TENM3: variants seen among roughly 807,000 people sequenced by gnomAD.
TENM3 encodes the protein teneurin-3.
Under a neutral mutation model 255.1 loss-of-function variants are expected in TENM3, and 63 were observed. The observed-to-expected ratio is 0.25, with a 90% confidence interval of 0.20 to 0.30. The LOEUF is 0.30. TENM3 is among the 10% of genes least tolerant of loss of function. The probability of loss-of-function intolerance (pLI) is 1.00; values close to 1 mark genes in which losing one functional copy is unlikely to be tolerated. For synonymous variants in TENM3, 1,306 were observed against 1,322.3 expected, an observed-to-expected ratio of 0.99 and a Z score of 0.27; for missense variants, 2,929 against 3,461.1, an observed-to-expected ratio of 0.85 and a Z score of 3.86.
chr4:182,409,428 T>G (rs538819634), intron 3 of TENM3, among the ~76,000 whole-genome samples: 1 of 152,304 alleles, frequency 6.6e-6, no homozygotes, highest in Admixed American at 6.5e-5. Flanking sequence ...GGCCTCCTGG[T>G]CTCATTTTAA....
intron 5 of TENM3, among the ~76,000 whole-genome samples, chr4:182,649,776 C>A (rs1246768016): frequency 6.7e-6 from 1 of 150,300 alleles, no homozygotes. Flanking sequence ...ATATCCTCGG[C>A]CCCAGCCCCC....
intron 1 of TENM3, among the ~76,000 whole-genome samples, chr4:182,301,264 T>C (rs1761839835): frequency 6.6e-6 from 1 of 152,198 alleles, no homozygotes; most frequent in African/African-American, 2.4e-5. Context: ...GCCCCTGAAA[T>C]TTTTTCCTTC....
At chr4:182,237,423 T>C (rs866036537) in intron 1 of TENM3, among the ~76,000 whole-genome samples, 1 of 149,252 alleles carries the variant, frequency 6.7e-6, no homozygotes, top group Non-Finnish European at 1.5e-5. Context: ...TGGGGTGCAA[T>C]GGTGCTATCT....
the TENM3 span, among the ~76,000 whole-genome samples, chr4:181,505,286 A>C: frequency 6.6e-6 from 1 of 152,224 alleles, no homozygotes; most frequent in Non-Finnish European, 1.5e-5. Flanking sequence ...TTTAGCAGGC[A>C]GCAGGTGTGG....
intron 3 of TENM3, among the ~76,000 whole-genome samples, chr4:182,552,050 G>T (rs181048234): frequency 1.7e-3 from 260 of 151,410 alleles, no homozygotes; most frequent in African/African-American, 6.2e-3. Context: ...AAAGTTAAAT[G>T]ATATGTAACA....
chr4:182,623,813 G>T (rs1453399261), intron 4 of TENM3, among the ~76,000 whole-genome samples: 1 of 151,696 alleles, frequency 6.6e-6, no homozygotes, highest in African/African-American at 2.4e-5. Context: ...GATATTGCGG[G>T]GGTCGCCTTC....
intron 1 of TENM3, among the ~76,000 whole-genome samples, chr4:182,323,245 G>C (rs1245670699): frequency 6.6e-6 from 1 of 151,972 alleles, no homozygotes; most frequent in Non-Finnish European, 1.5e-5. Context: ...TTAGCCCCTT[G>C]AATTACCTTA....
chr4:182,685,780 G>A (rs1468144080), intron 11 of TENM3, among the ~76,000 whole-genome samples: 3 of 152,018 alleles, frequency 2.0e-5, no homozygotes, highest in African/African-American at 7.2e-5. Context: ...ATCCAAGTCG[G>A]AAAGGAACAA....
the TENM3 span, among the ~76,000 whole-genome samples, chr4:182,087,424 C>CA: frequency 6.6e-6 from 1 of 152,078 alleles, no homozygotes; most frequent in African/African-American, 2.4e-5. Flanking sequence ...CTTCACTGGA[C>CA]AAAAACGAAG....
In TENM3 at chr4:182,679,701, G is replaced by T. The variant is rs1268352736; in HGVS notation, c.1362G>T (p.Leu454=). The part of the protein sequence containing the change: ...DFVELLDGSR[L]IAREQRSLLE... The stretch of plus-strand genomic sequence containing the variant: ...TGGAGCTCCTGGATGGCAGCAGGCT[G>T]ATTGCCAGAGAGCAGCGGAGCCTGC... Residue 454 remains leucine (L), a synonymous_variant, in exon 8 of 28, where the codon CTG becomes CTT. Coordinates refer to ENST00000511685, the MANE Select transcript of TENM3 (RefSeq NM_001080477.4). 1.9e-6 allele frequency: 3 copies of T among 1,613,174 alleles called. No individual in the cohort carries two copies. Among genetic ancestry groups the T allele is most frequent in the Admixed American group, 1.7e-5 (1 of 60,008 alleles).
chr4:182,514,963 C>T (rs1182656726), intron 3 of TENM3, among the ~76,000 whole-genome samples: 1 of 152,120 alleles, frequency 6.6e-6, no homozygotes, highest in Non-Finnish European at 1.5e-5. Context: ...TAATAGTAGA[C>T]TCAGTCAATT....
rs949705295 is a variant in TENM3 at position 182,337,361 on chromosome 4, A to G, written c.233-9290A>G. Among the ~76,000 whole-genome samples, 28 of 152,228 alleles carry G rather than the reference A, an allele frequency of 1.8e-4. 1 individual carries two copies. The highest frequency in any genetic ancestry group is 5.9e-5 in the Non-Finnish European group (4 of 68,042). On this transcript the variant is annotated intron_variant, in intron 2 of 27. Coordinates refer to ENST00000511685, the MANE Select transcript of TENM3 (RefSeq NM_001080477.4). ...ACAAATCAACAACAAAAGATAAATA[A>G]CCAAATTTTAAAATGGGCAAAAAAC... is the stretch of plus-strand genomic sequence containing the variant.
the TENM3 span, among the ~76,000 whole-genome samples, chr4:181,862,614 G>A: frequency 8.5e-5 from 13 of 152,080 alleles, no homozygotes; most frequent in Non-Finnish European, 1.6e-4. Flanking sequence ...CAGGTCTTAC[G>A]ATGTGCCAGG....
chr4:181,931,922 T>A, the TENM3 span, among the ~76,000 whole-genome samples: 10 of 152,180 alleles, frequency 6.6e-5, no homozygotes, highest in African/African-American at 2.4e-4. Context: ...GGGCAAAGGA[T>A]TCCCCATTTA....
the TENM3 span, among the ~76,000 whole-genome samples, chr4:181,706,892 T>C: frequency 2.0e-5 from 3 of 152,192 alleles, no homozygotes; most frequent in South Asian, 6.2e-4. Context: ...GGCAATTACA[T>C]CTGGTTACTG....
At chr4:182,568,238 C>T (rs1406616909) in intron 3 of TENM3, among the ~76,000 whole-genome samples, 3 of 152,298 alleles carry the variant, frequency 2.0e-5, no homozygotes, top group South Asian at 2.1e-4. Context: ...TGCAACTAGT[C>T]ACCTTGGATC....
the TENM3 span, among the ~76,000 whole-genome samples, chr4:181,857,235 A>G: frequency 1.3e-5 from 2 of 152,048 alleles, no homozygotes; most frequent in African/African-American, 4.8e-5. Context: ...GAAATGTTTG[A>G]GAATGAACAG....
intron 1 of TENM3, among the ~76,000 whole-genome samples, chr4:182,157,874 C>G (rs892160011): frequency 1.3e-5 from 2 of 152,198 alleles, no homozygotes; most frequent in South Asian, 2.1e-4. Context: ...TAGCACAGAT[C>G]AATGAATTTG....
chr4:181,775,737 GC>G, the TENM3 span, among the ~76,000 whole-genome samples: 1 of 152,006 alleles, frequency 6.6e-6, no homozygotes, highest in East Asian at 1.9e-4. Flanking sequence ...TTGTCACCCA[GC>G]CTACATTTCC....
Sources: gnomAD v4.1 joint callset for allele counts (sites outside exome capture counted in the v4.1 genomes callset) on GRCh38, gnomAD v4.1.1 for gene constraint, MANE v1.5 for transcripts, NCBI Gene and HGNC (gene_info 2026-07-23, HGNC 2026-07-21) for gene names.